ZBTB25: variants seen among roughly 807,000 people sequenced by gnomAD.
The protein encoded by ZBTB25 is zinc finger and BTB domain containing 25, also known as zinc finger and BTB domain-containing protein 25.
Under a neutral mutation model 34.2 loss-of-function variants are expected in ZBTB25, and 20 were observed. The observed-to-expected ratio is 0.58, with a 90% CI of 0.41 to 0.85. The LOEUF is 0.85. Among genes scored for constraint, ZBTB25 ranks in the 40% least tolerant of loss-of-function variants. The pLI is 0.00. For synonymous variants in ZBTB25, 175 were observed against 186.4 expected (o/e 0.94, Z 0.50); for missense variants, 437 against 521.8 (o/e 0.84, Z 1.58).
In ZBTB25 at chr14:64,464,243, C is replaced by T. The variant is rs117848035; in HGVS notation, c.174-14605G>A. ...TTTTTGTCTCCCTATGTTGCCCAGGCTGGTCTCAAACTCTTGGACTCAAGC... is the reference window on the plus strand; with the variant it reads ...TTTTTGTCTCCCTATGTTGCCCAGGTTGGTCTCAAACTCTTGGACTCAAGC... On this transcript the variant is annotated intron_variant, in intron 2 of 2. Transcript: ENST00000555220. Among the ~76,000 whole-genome samples, 86 of 141,956 alleles carry T rather than the reference C, an allele frequency of 6.1e-4. 2 individuals carry two copies. In the East Asian group the frequency reaches 0.016, roughly 26 times the overall value. The allele number at this position is 141,956 out of a possible 152,430, so 93.1% of individuals were successfully genotyped here.
At chr14:64,469,240 C>G (rs1168813488) in intron 2 of ZBTB25, 2 of 1,613,916 alleles carry the variant, frequency 1.2e-6, no homozygotes. Flanking sequence ...AAGCCAGTAA[C>G]AGTACCCTAG....
At chr14:64,499,702 T>C (rs2079419408) in intron 1 of ZBTB25, 1 of 152,220 alleles carries the variant, frequency 6.6e-6, no homozygotes, top group Non-Finnish European at 1.5e-5. Flanking sequence ...AAATATTTAC[T>C]CTCTTACTCC....
chr14:64,495,912 G>A (rs774795411), intron 1 of ZBTB25, among the ~76,000 whole-genome samples: 3 of 150,878 alleles, frequency 2.0e-5, no homozygotes, highest in Non-Finnish European at 4.4e-5. Context: ...CTGAGATCAC[G>A]CTACTGCACT....
rs1431378261 is a variant in ZBTB25 at position 64,487,127 on chromosome 14, CAT to C, written c.1102_1103del (p.Met368ValfsTer6). 6.2e-7 allele frequency: 1 copy of C among 1,614,080 alleles called. No homozygotes were observed. Among genetic ancestry groups the C allele is most frequent in the African/African-American group, 1.3e-5 (1 of 74,934 alleles). On this transcript the variant is annotated frameshift_variant, in exon 3 of 3. Coordinates refer to ENST00000608382, the MANE Select transcript of ZBTB25 (RefSeq NM_006977.5). LOFTEE classifies it high-confidence loss of function. Reference protein sequence around the residue: ...FPRKSQLLEHMYTHKGKSYRY... With the variant: ...FPRKSQLLEHXYTHKGKSYRY... ...TGTAAGATTTACCTTTGTGTGTATACATGTGTTCCAACAATTGGCTCTTTCGA... is the reference window on the plus strand; with the variant it reads ...TGTAAGATTTACCTTTGTGTGTATACGTGTTCCAACAATTGGCTCTTTCGA...
At chr14:64,465,181 T>C (rs2078597231) in intron 2 of ZBTB25, among the ~76,000 whole-genome samples, 1 of 152,156 alleles carries the variant, frequency 6.6e-6, no homozygotes, top group South Asian at 2.1e-4. Flanking sequence ...CTATTTAGCG[T>C]CTCAGAAAAC....
chr14:64,454,799 C>T (rs1199213356), intron 2 of ZBTB25: 1 of 1,614,166 alleles, frequency 6.2e-7, no homozygotes, highest in Non-Finnish European at 8.5e-7. Context: ...AAAGGTGTCC[C>T]TACAGGCTTC....
chr14:64,459,832 G>A, intron 2 of ZBTB25: 2 of 1,535,988 alleles, frequency 1.3e-6, no homozygotes, highest in South Asian at 2.4e-5. Context: ...GAGTTAGGAA[G>A]TATAAGTAAG....
In ZBTB25 at chr14:64,485,616, T is replaced by G; in HGVS notation, c.*1307A>C. 1 of 985,376 alleles carries G rather than the reference T, an allele frequency of 1.0e-6. No homozygotes were observed. Among genetic ancestry groups the G allele is most frequent in the South Asian group, 4.7e-5 (1 of 21,284 alleles). The allele number at this position is 985,376 out of a possible 1,614,324, so 61.0% of individuals were successfully genotyped here. ...AAGCTAACATCATGGATCTTAAATGTAGTTATAGAACACTGAATGTATCCA... is the reference window on the plus strand; with the variant it reads ...AAGCTAACATCATGGATCTTAAATGGAGTTATAGAACACTGAATGTATCCA... On this transcript the variant is annotated 3_prime_UTR_variant, in exon 3 of 3. Transcript: ENST00000608382.
At chr14:64,457,937 C>T (rs982988364) in intron 2 of ZBTB25, 28 of 547,746 alleles carry the variant, frequency 5.1e-5, no homozygotes, top group Middle Eastern at 5.0e-4. Context: ...CTTGCTCTGT[C>T]GCCCAGGCAA....
intron 2 of ZBTB25, chr14:64,463,522 G>T (rs1005919965): frequency 2.0e-5 from 3 of 151,888 alleles, no homozygotes; most frequent in African/African-American, 4.8e-5. Flanking sequence ...CAGGCATGGG[G>T]GCTCACACCT....
In ZBTB25 at chr14:64,486,973, A is replaced by C. The variant is rs1353600542; in HGVS notation, c.1258T>G (p.Leu420Val). ...SQEHLDLPCA[L>V]ESELTQENVD... ...TTTTCTTGTGTGAGCTCTGACTCTA[A>C]GGCACAAGGCAAGTCTAAGTGTTCT... The change falls in exon 3 of 3, where the codon TTA becomes GTA. Residue 420 changes from leucine (L) to valine (V), a missense_variant. Coordinates refer to ENST00000608382, the MANE Select transcript of ZBTB25 (RefSeq NM_006977.5). 1 of 1,614,054 alleles carries C rather than the reference A, an allele frequency of 6.2e-7. No homozygotes were observed. Among genetic ancestry groups the C allele is most frequent in the Non-Finnish European group, 8.5e-7 (1 of 1,180,034 alleles).
chr14:64,469,754 C>A, intron 2 of ZBTB25: 2 of 1,082,136 alleles, frequency 1.8e-6, no homozygotes, highest in Non-Finnish European at 2.6e-6. Flanking sequence ...ATTTCTTACT[C>A]AGTAACAAAT....
intron 1 of ZBTB25, among the ~76,000 whole-genome samples, chr14:64,498,838 G>T (rs926745945): frequency 2.6e-4 from 39 of 151,038 alleles, no homozygotes; most frequent in African/African-American, 9.3e-4. Context: ...GTTTCACTGT[G>T]TTAGCCAGGA....
At chr14:64,449,765 C>T (rs969398443) in intron 2 of ZBTB25, 5 of 913,334 alleles carry the variant, frequency 5.5e-6, no homozygotes, top group Admixed American at 4.0e-5. Context: ...TACACAACCA[C>T]AGCCTGGACT....
chr14:64,505,098 G>A (rs1203074495), upstream of ZBTB25: 1 of 353,922 alleles, frequency 2.8e-6, no homozygotes, highest in Non-Finnish European at 5.1e-6. Context: ...ACCCGGTGAC[G>A]GGCGGCTGCC....
intron 1 of ZBTB25, among the ~76,000 whole-genome samples, chr14:64,494,914 A>C (rs1156523572): frequency 6.6e-6 from 1 of 152,244 alleles, no homozygotes; most frequent in African/African-American, 2.4e-5. Context: ...TGATCTGTTA[A>C]ATCTATTCAA....
rs979940539 is a variant in ZBTB25, at chr14:64,486,313, G to C, written c.*610C>G. On this transcript the variant is annotated 3_prime_UTR_variant, in exon 3 of 3. Transcript: ENST00000608382. ...AGAGACTCTGTCTCAAAAAAAAAAA[G>C]AGGTATACTCAATGTTAAAAAGTAA... The C allele has an allele frequency of 1.2e-5, 12 of 981,242 alleles. No homozygotes were observed. The highest frequency in any genetic ancestry group is 1.5e-5 in the Non-Finnish European group (12 of 826,674). The allele number at this position is 981,242 out of a possible 1,614,324, so 60.8% of individuals were successfully genotyped here. A position where few individuals can be genotyped will look rare whatever the true frequency, so the allele number is the denominator to read the frequency against.
chr14:64,459,823 A>C (rs1450243344), intron 2 of ZBTB25: 1 of 1,535,826 alleles, frequency 6.5e-7, no homozygotes, highest in African/African-American at 1.4e-5. Flanking sequence ...GCCCACTGGG[A>C]GTTAGGAAGT....
rs1232213756 is a variant in ZBTB25, at chr14:64,449,501, C to T, written c.*50G>A. The T allele has an allele frequency of 3.7e-6, 6 of 1,614,042 alleles. No individual in the cohort carries two copies. In the Admixed American group the frequency reaches 6.7e-5, roughly 18 times the overall value. ...AGCCGCCTTTCCAGAGAACATGGGG[C>T]TTTTGATGCCGTGAAGTGCACTCAC... is the stretch of plus-strand genomic sequence containing the variant. On this transcript the variant is annotated 3_prime_UTR_variant, in exon 3 of 3. Coordinates refer to the ZBTB25 transcript ENST00000555220.
Sources: allele counts gnomAD v4.1 joint callset (sites outside exome capture counted in the v4.1 genomes callset), GRCh38; gene constraint gnomAD v4.1.1; transcripts MANE v1.5; gene names NCBI Gene and HGNC (gene_info 2026-07-23, HGNC 2026-07-21).